HSPA2: variants seen among roughly 807,000 people sequenced by gnomAD.
The protein encoded by HSPA2 is heat shock-related 70 kDa protein 2.
In HSPA2, 13 loss-of-function variants were observed where a neutral mutation model predicts 35.0. The observed-to-expected ratio is 0.37, with a 90% CI of 0.24 to 0.59. The LOEUF (loss-of-function observed/expected upper bound fraction) is 0.59, where lower values mean the gene tolerates loss of function less well. Among genes scored for constraint, HSPA2 ranks in the 20% least tolerant of loss-of-function variants. HSPA2 has a pLI of 0.70. For synonymous variants in HSPA2, 368 were observed against 382.1 expected (o/e 0.96, Z 0.43); for missense variants, 565 against 885.4 (o/e 0.64, Z 4.59).
chr14:64,541,583 C>A lies in HSPA2; in HGVS notation c.734C>A (p.Ala245Glu). Reference protein sequence around the residue: ...DFDNRMVSHLAEEFKRKHKKD... With the variant: ...DFDNRMVSHLEEEFKRKHKKD... Reference sequence around the variant, plus strand: ...GACAACCGCATGGTGAGCCACCTGGCGGAGGAGTTCAAGCGCAAGCACAAG... The same window carrying A: ...GACAACCGCATGGTGAGCCACCTGGAGGAGGAGTTCAAGCGCAAGCACAAG... The change falls in exon 1 of 1, where the codon GCG becomes GAG. Residue 245 changes from alanine (A) to glutamate (E), a missense_variant. Physicochemically the swap from Ala to Glu is moderately radical, Grantham distance 107 (BLOSUM62 -1). Around this residue, in one of 4 missense-constraint regions of HSPA2, gnomAD observed 234 missense variants for 419.0 expected, o/e 0.56. Coordinates refer to ENST00000247207, the MANE Select transcript of HSPA2 (RefSeq NM_021979.4). The A allele has an allele frequency of 4.3e-6, 7 of 1,612,074 alleles. No homozygotes were observed. Among genetic ancestry groups the A allele is most frequent in the Non-Finnish European group, 5.9e-6 (7 of 1,179,838 alleles).
chr14:64,539,727 G>T (rs549326739), upstream of HSPA2, among the ~76,000 whole-genome samples: 26 of 152,228 alleles, frequency 1.7e-4, no homozygotes, highest in Non-Finnish European at 3.4e-4. Context: ...AGTCGCCCAG[G>T]CTGGAGTGTA....
At chr14:64,539,134 C>A (rs1259795675), upstream of HSPA2, among the ~76,000 whole-genome samples, 9 of 152,124 alleles carry the variant, frequency 5.9e-5, no homozygotes, top group Non-Finnish European at 1.5e-5. Flanking sequence ...GAGCCTGCTT[C>A]TAAAGATTAT....
At position 64,542,706 on chromosome 14, in the gene HSPA2, C is replaced by T; in HGVS notation, c.1857C>T (p.Gly619=). The change falls in exon 1 of 1, where the codon GGC becomes GGT. Residue 619 remains glycine, a synonymous_variant. Transcript: ENST00000247207. The surrounding 1 kb of genome is among the most constrained non-coding windows in gnomAD (Gnocchi z 5.7). ...IISKLYQGGP[G]GGSGGGGSGA... ...GCAAACTTTACCAAGGTGGTCCTGGCGGCGGCAGCGGCGGCGGCGGTTCAG... is the reference window on the plus strand; with the variant it reads ...GCAAACTTTACCAAGGTGGTCCTGGTGGCGGCAGCGGCGGCGGCGGTTCAG... 6.2e-7 allele frequency: 1 copy of T among 1,613,712 alleles called. No homozygotes were observed. The highest frequency in any genetic ancestry group is 8.5e-7 in the Non-Finnish European group (1 of 1,179,868).
chr14:64,538,742 G>A (rs1385854776), upstream of HSPA2, among the ~76,000 whole-genome samples: 7 of 152,190 alleles, frequency 4.6e-5, no homozygotes, highest in Non-Finnish European at 1.0e-4. Context: ...TTACTGCCAC[G>A]TAGTAGGTAC....
chr14:64,536,355 C>G (rs2079980696), upstream of HSPA2, among the ~76,000 whole-genome samples: 1 of 152,112 alleles, frequency 6.6e-6, no homozygotes. Context: ...TAAACCATTT[C>G]CTTTCTATTA....
chr14:64,539,406 T>G (rs1203039879), upstream of HSPA2, among the ~76,000 whole-genome samples: 3 of 152,136 alleles, frequency 2.0e-5, no homozygotes. Context: ...CTGATTATAT[T>G]ATGGGTTTTC....
At position 64,541,662 on chromosome 14, in the gene HSPA2, G is replaced by A. The variant is rs1596714139; in HGVS notation, c.813G>A (p.Glu271=). The stretch of plus-strand genomic sequence containing the variant: ...TGAGGCGGCTGCGCACCGCTTGCGA[G>A]CGCGCCAAGCGCACCCTGAGCTCGT... ...RAVRRLRTAC[E]RAKRTLSSST... is the part of the protein sequence containing the mutation. Residue 271 remains glutamate, a synonymous_variant, in exon 1 of 1, where the codon GAG becomes GAA. Coordinates refer to ENST00000247207, the MANE Select transcript of HSPA2 (RefSeq NM_021979.4). The A allele has an allele frequency of 6.2e-7, 1 of 1,611,556 alleles. No homozygotes were observed. The highest frequency in any genetic ancestry group is 1.1e-5 in the South Asian group (1 of 91,046).
chr14:64,540,908 G>A lies in HSPA2; in HGVS notation c.59G>A (p.Gly20Glu), dbSNP rs1014753639. Residue 20 changes from glycine (G) to glutamate (E), a missense_variant, in exon 1 of 1, where the codon GGG becomes GAG. Around this residue, in one of 4 missense-constraint regions of HSPA2, gnomAD observed 183 missense variants for 281.6 expected, o/e 0.65. Coordinates refer to ENST00000247207, the MANE Select transcript of HSPA2 (RefSeq NM_021979.4). ...CTGGGCACCACCTATTCGTGCGTCG[G>A]GGTCTTCCAACATGGCAAGGTGGAG... ...IDLGTTYSCV[G>E]VFQHGKVEII... 6.2e-7 allele frequency: 1 copy of A among 1,614,038 alleles called. No individual in the cohort carries two copies. Among genetic ancestry groups the A allele is most frequent in the Non-Finnish European group, 8.5e-7 (1 of 1,180,056 alleles).
upstream of HSPA2, chr14:64,540,732 C>G (rs944303804): frequency 7.3e-5 from 106 of 1,457,212 alleles, 1 homozygote; most frequent in South Asian, 1.4e-3. Flanking sequence ...GAACTGGGCG[C>G]GGGGAGCTGA....
At position 64,542,622 on chromosome 14, in the gene HSPA2, G is replaced by A; in HGVS notation, c.1773G>A (p.Glu591=). ...INWLDRNQMA[E]KDEYEHKQKE... Reference sequence around the variant, plus strand: ...GGCTCGACCGAAACCAGATGGCAGAGAAAGATGAGTATGAACACAAGCAGA... The same window carrying A: ...GGCTCGACCGAAACCAGATGGCAGAAAAAGATGAGTATGAACACAAGCAGA... Residue 591 remains glutamate (E), a synonymous_variant, in exon 1 of 1, where the codon GAG becomes GAA. Coordinates refer to ENST00000247207, the MANE Select transcript of HSPA2 (RefSeq NM_021979.4). The surrounding 1 kb of genome is among the most constrained non-coding windows in gnomAD (Gnocchi z 5.7). 2.5e-6 allele frequency: 4 copies of A among 1,613,934 alleles called. No individual in the cohort carries two copies. In the South Asian group the frequency reaches 4.4e-5, roughly 18 times the overall value.
Position 64,541,524 on chromosome 14 carries a change from G to A in HSPA2, c.675G>A (p.Thr225=). The change falls in exon 1 of 1, where the codon ACG becomes ACA. Residue 225 remains threonine, a synonymous_variant. Transcript: ENST00000247207. ...IEDGIFEVKS[T]AGDTHLGGED... ...ATGGCATCTTCGAGGTGAAGTCCACGGCCGGCGACACCCACCTGGGCGGTG... is the reference window on the plus strand; with the variant it reads ...ATGGCATCTTCGAGGTGAAGTCCACAGCCGGCGACACCCACCTGGGCGGTG... The A allele has an allele frequency of 1.2e-6, 2 of 1,608,936 alleles. 1 individual carries two copies. Among genetic ancestry groups the A allele is most frequent in the South Asian group, 2.2e-5 (2 of 90,900 alleles).
At position 64,542,694 on chromosome 14, in the gene HSPA2, A is replaced by G. The variant is rs768604064; in HGVS notation, c.1845A>G (p.Gln615=). The change falls in exon 1 of 1, where the codon CAA becomes CAG. Residue 615 remains glutamine, a synonymous_variant. Coordinates refer to ENST00000247207, the MANE Select transcript of HSPA2 (RefSeq NM_021979.4). This position sits in a 1 kb window ranked among gnomAD's most constrained non-coding sequence, Gnocchi z 5.7. ...VCNPIISKLY[Q]GGPGGGSGGG... Reference sequence around the variant, plus strand: ...ACCCCATCATCAGCAAACTTTACCAAGGTGGTCCTGGCGGCGGCAGCGGCG... The same window carrying G: ...ACCCCATCATCAGCAAACTTTACCAGGGTGGTCCTGGCGGCGGCAGCGGCG... The G allele has an allele frequency of 6.2e-7, 1 of 1,614,070 alleles. No individual in the cohort carries two copies. Among genetic ancestry groups the G allele is most frequent in the South Asian group, 1.1e-5 (1 of 91,074 alleles).
upstream of HSPA2, among the ~76,000 whole-genome samples, chr14:64,536,280 C>T (rs150093128): frequency 2.1e-4 from 32 of 152,222 alleles, no homozygotes; most frequent in African/African-American, 6.3e-4. Flanking sequence ...ACCATTTTTA[C>T]GGCTGCGTAA....
At chr14:64,539,763 C>G (rs1312982323), upstream of HSPA2, among the ~76,000 whole-genome samples, 1 of 152,158 alleles carries the variant, frequency 6.6e-6, no homozygotes, top group Non-Finnish European at 1.5e-5. Context: ...CTCACTGCAA[C>G]CTCCACCTCC....
upstream of HSPA2, among the ~76,000 whole-genome samples, chr14:64,536,308 G>A (rs991211159): frequency 6.6e-6 from 1 of 152,096 alleles, no homozygotes; most frequent in African/African-American, 2.4e-5. Flanking sequence ...TCATATGCAT[G>A]TACTATAATT....
In HSPA2 at chr14:64,542,446, G is replaced by A; in HGVS notation, c.1597G>A (p.Glu533Lys). Residue 533 changes from glutamate (E) to lysine (K), a missense_variant, in exon 1 of 1, where the codon GAG (glutamate) becomes AAG (lysine). Glu to Lys is a moderately conservative substitution (Grantham distance 56). Transcript: ENST00000247207. The surrounding 1 kb of genome is among the most constrained non-coding windows in gnomAD (Gnocchi z 5.7). ...GGCGGAGCGGTACAAATCGGAAGAT[G>A]AGGCGAATCGCGACCGAGTCGCGGC... ...QEAERYKSED[E>K]ANRDRVAAKN... The A allele has an allele frequency of 6.2e-7, 1 of 1,613,914 alleles. No homozygotes were observed. The highest frequency in any genetic ancestry group is 1.1e-5 in the South Asian group (1 of 91,076).
chr14:64,541,353 C>T lies in HSPA2; in HGVS notation c.504C>T (p.Leu168=), dbSNP rs746243629. The change falls in exon 1 of 1, where the codon CTC becomes CTT. Residue 168 remains leucine (L), a synonymous_variant. Coordinates refer to ENST00000247207, the MANE Select transcript of HSPA2 (RefSeq NM_021979.4). ...AGGACGCAGGCACCATCACGGGGCTCAATGTGCTGCGCATCATCAACGAGC... is the reference window on the plus strand; with the variant it reads ...AGGACGCAGGCACCATCACGGGGCTTAATGTGCTGCGCATCATCAACGAGC... The part of the protein sequence containing the change: ...ATKDAGTITG[L]NVLRIINEPT... 11 of 1,613,022 alleles carry T rather than the reference C, an allele frequency of 6.8e-6. No homozygotes were observed. The highest frequency in any genetic ancestry group is 9.3e-6 in the Non-Finnish European group (11 of 1,179,826).
chr14:64,542,627 A>T lies in HSPA2; in HGVS notation c.1778A>T (p.Asp593Val), dbSNP rs751137625. The T allele has an allele frequency of 1.9e-6, 3 of 1,613,842 alleles. No individual in the cohort carries two copies. The East Asian group carries it at 6.7e-5, about 36-fold the overall frequency. The change falls in exon 1 of 1, where the codon GAT becomes GTT. Residue 593 changes from aspartate (D) to valine (V), a missense_variant. Transcript: ENST00000247207. The surrounding 1 kb of genome is among the most constrained non-coding windows in gnomAD (Gnocchi z 5.7). ...WLDRNQMAEKDEYEHKQKELE... is the reference protein window; with the variant it reads ...WLDRNQMAEKVEYEHKQKELE... ...GACCGAAACCAGATGGCAGAGAAAG[A>T]TGAGTATGAACACAAGCAGAAAGAG... is the stretch of plus-strand genomic sequence containing the variant.
chr14:64,539,852 T>C (rs1034445139), upstream of HSPA2, among the ~76,000 whole-genome samples: 22 of 152,102 alleles, frequency 1.4e-4, no homozygotes, highest in Non-Finnish European at 4.4e-5. Flanking sequence ...CAGCTAATTT[T>C]TGTATCTTTA....
Sources: allele counts gnomAD v4.1 joint callset (sites outside exome capture counted in the v4.1 genomes callset), GRCh38; gene constraint gnomAD v4.1.1; regional missense constraint gnomAD v4.1.1; non-coding constraint Gnocchi (gnomAD v3.1); transcripts MANE v1.5; gene names NCBI Gene and HGNC (gene_info 2026-07-23, HGNC 2026-07-21).